Variants in SYT1 observed in about 807,000 individuals in gnomAD.
The protein encoded by SYT1 is synaptotagmin-1.
Under a neutral mutation model 44.8 loss-of-function variants are expected in SYT1, and 8 were observed. The observed-to-expected ratio is 0.18, with a 90% CI of 0.10 to 0.32. The LOEUF (loss-of-function observed/expected upper bound fraction) is 0.32, where lower values mean the gene tolerates loss of function less well. Ranked by LOEUF, SYT1 falls within the 10% of genes least tolerant of loss-of-function variation. The probability of loss-of-function intolerance (pLI) is 1.00; values close to 1 mark genes in which losing one functional copy is unlikely to be tolerated. For missense variants in SYT1, 286 were observed against 509.3 expected, an observed-to-expected ratio of 0.56 and a Z score of 4.22; for synonymous variants, 154 against 188.8, an observed-to-expected ratio of 0.82 and a Z score of 1.51.
intron 9 of SYT1, among the ~76,000 whole-genome samples, chr12:79,437,903 C>T (rs1050584912): frequency 1.3e-5 from 2 of 152,042 alleles, no homozygotes; most frequent in East Asian, 3.9e-4. Context: ...TAAAAACATG[C>T]CCTTGAACAT....
At position 79,179,263 on chromosome 12, in the gene SYT1, T is replaced by TATAGATATATAGATATAGATATATAG. The variant is rs1555204809; in HGVS notation, c.-17-38237_-17-38236insGATATATAGATATAGATATATAGATA. On this transcript the variant is annotated intron_variant, in intron 3 of 10. Coordinates refer to ENST00000261205, the MANE Select transcript of SYT1 (RefSeq NM_005639.3). ...ATATAGATATAGATATAGATATAGA[T>TATAGATATATAGATATAGATATATAG]ATATAGATATAGATATAGATATATA... Among the ~76,000 whole-genome samples the TATAGATATATAGATATAGATATATAG allele has an allele frequency of 8.3e-4, 87 of 104,602 alleles. 7 individuals are homozygous for TATAGATATATAGATATAGATATATAG. Among genetic ancestry groups the TATAGATATATAGATATAGATATATAG allele is most frequent in the Non-Finnish European group, 1.2e-3 (62 of 53,762 alleles). The allele number at this position is 104,602 out of a possible 152,430, so 68.6% of individuals were successfully genotyped here.
chr12:79,358,846 C>T lies in SYT1; in HGVS notation c.928+5227C>T, dbSNP rs554358557. ...ATGGATTGTTGGAAATGGAGGGATT[C>T]TTGGAGACTGGGGAAAATGTTCGTA... is the stretch of plus-strand genomic sequence containing the variant. On this transcript the variant is annotated intron_variant, in intron 9 of 10. Transcript: ENST00000261205. Among the ~76,000 whole-genome samples the T allele has an allele frequency of 2.2e-3, 333 of 152,254 alleles. 3 individuals are homozygous for T. The highest frequency in any genetic ancestry group is 7.5e-3 in the African/African-American group (312 of 41,554).
rs541534595 is a variant in SYT1, at chr12:78,915,299, C to T, written c.-217+50190C>T. Among the ~76,000 whole-genome samples, 38 of 152,074 alleles carry T rather than the reference C, an allele frequency of 2.5e-4. 1 individual carries two copies. The South Asian group carries it at 4.6e-3, about 18-fold the overall frequency. ...CAAATTTCCAGGCCCCTCCTCAGGG[C>T]CTAATTCAGTGGGTCTAAGATATAG... is the stretch of plus-strand genomic sequence containing the variant. On this transcript the variant is annotated intron_variant, in intron 1 of 10. Transcript: ENST00000261205.
At chr12:79,446,748 A>T (rs1377997068) in intron 10 of SYT1, among the ~76,000 whole-genome samples, 1 of 152,116 alleles carries the variant, frequency 6.6e-6, no homozygotes, top group South Asian at 2.1e-4. Context: ...TAACTTTTTC[A>T]CTAGCCTGAA....
intron 1 of SYT1, among the ~76,000 whole-genome samples, chr12:78,870,863 A>C (rs1873785876): frequency 6.6e-6 from 1 of 152,068 alleles, no homozygotes; most frequent in South Asian, 2.1e-4. Flanking sequence ...TTTCATCAAC[A>C]TGAAGGCAAA....
chr12:78,968,272 A>G (rs1022071937), intron 1 of SYT1, among the ~76,000 whole-genome samples: 2 of 152,092 alleles, frequency 1.3e-5, no homozygotes, highest in Non-Finnish European at 2.9e-5. Context: ...TTAGGAGTCT[A>G]TTAGGTTGTT....
chr12:79,111,809 G>A (rs533894769), intron 3 of SYT1, among the ~76,000 whole-genome samples: 1 of 151,708 alleles, frequency 6.6e-6, no homozygotes, highest in Non-Finnish European at 1.5e-5. Context: ...TCACAGCTCA[G>A]ACAAGAAATT....
intron 8 of SYT1, among the ~76,000 whole-genome samples, chr12:79,308,624 GAAAGAAAGAA>G (rs1880588097): frequency 1.2e-4 from 4 of 33,270 alleles, no homozygotes; most frequent in East Asian, 5.1e-4. Flanking sequence ...AAGAAAGAAA[GAAAGAAAGAA>G]AGAAAGAAAG....
At chr12:79,389,993 C>T (rs537268253) in intron 9 of SYT1, among the ~76,000 whole-genome samples, 13 of 151,558 alleles carry the variant, frequency 8.6e-5, no homozygotes, top group Admixed American at 2.0e-4. Flanking sequence ...AGTGCAGCGG[C>T]GCGATCTTGG....
intron 4 of SYT1, among the ~76,000 whole-genome samples, chr12:79,247,120 A>G (rs77249734): frequency 0.014 from 2,083 of 152,362 alleles, 20 homozygotes; most frequent in South Asian, 0.022. Flanking sequence ...TGGGAAAAAT[A>G]AAGATAATTA....
At chr12:79,413,109 A>G (rs1016187632) in intron 9 of SYT1, among the ~76,000 whole-genome samples, 1 of 152,204 alleles carries the variant, frequency 6.6e-6, no homozygotes, top group Non-Finnish European at 1.5e-5. Context: ...ATGGCAACAT[A>G]AAAGGAGAGG....
rs971212601 is a variant in SYT1 at position 79,437,680 on chromosome 12, G to A, written c.929-6393G>A. ...AGTTTACTTTATATTATTTGTTTGG[G>A]ATATAGCTCCACATGTTGAAACTGT... is the stretch of plus-strand genomic sequence containing the variant. On this transcript the variant is annotated intron_variant, in intron 9 of 10. Coordinates refer to ENST00000261205, the MANE Select transcript of SYT1 (RefSeq NM_005639.3). 5.9e-5 allele frequency among the ~76,000 whole-genome samples: 9 copies of A among 152,152 alleles called. 1 individual carries two copies. The South Asian group carries it at 1.9e-3, about 32-fold the overall frequency.
chr12:79,033,155 A>G (rs1872927424), intron 2 of SYT1, among the ~76,000 whole-genome samples: 1 of 151,368 alleles, frequency 6.6e-6, no homozygotes, highest in South Asian at 2.1e-4. Flanking sequence ...CTGAGAAAAC[A>G]GCTCATCCAT....
intron 3 of SYT1, among the ~76,000 whole-genome samples, chr12:79,165,920 A>G (rs1407108331): frequency 1.3e-5 from 2 of 152,022 alleles, no homozygotes; most frequent in Non-Finnish European, 2.9e-5. Flanking sequence ...CATGGAATTC[A>G]ATTTTTTCTT....
intron 7 of SYT1, 59 bp from the exon 8 acceptor site, chr12:79,299,325 G>T: frequency 6.5e-7 from 1 of 1,549,978 alleles, no homozygotes; most frequent in Non-Finnish European, 8.8e-7. Context: ...CCATGAACAA[G>T]TAACATGTTT....
At chr12:79,215,612 T>C (rs1874736905) in intron 3 of SYT1, among the ~76,000 whole-genome samples, 1 of 152,100 alleles carries the variant, frequency 6.6e-6, no homozygotes, top group Non-Finnish European at 1.5e-5. Context: ...AGTAGGATCA[T>C]GCGAGCCCAG....
intron 2 of SYT1, among the ~76,000 whole-genome samples, chr12:79,001,383 G>A (rs754463369): frequency 6.6e-6 from 1 of 151,944 alleles, no homozygotes; most frequent in Non-Finnish European, 1.5e-5. Context: ...TTATTAATTG[G>A]ATTCAAATAT....
intron 3 of SYT1, among the ~76,000 whole-genome samples, chr12:79,161,344 T>A (rs1870937739): frequency 6.6e-6 from 1 of 152,054 alleles, no homozygotes; most frequent in Non-Finnish European, 1.5e-5. Flanking sequence ...TTGCCTAGAG[T>A]ATTCAGTACA....
chr12:79,227,264 C>A, intron 4 of SYT1, among the ~76,000 whole-genome samples: 1 of 152,034 alleles, frequency 6.6e-6, no homozygotes, highest in South Asian at 2.1e-4. Context: ...AAATGGTAAA[C>A]GCTTAGCATT....
Sources: allele counts gnomAD v4.1 joint callset (sites outside exome capture counted in the v4.1 genomes callset), GRCh38; gene constraint gnomAD v4.1.1; transcripts MANE v1.5; gene names NCBI Gene and HGNC (gene_info 2026-07-23, HGNC 2026-07-21).